Variants in DGKB observed in about 807,000 individuals in gnomAD.
DGKB encodes diacylglycerol kinase beta, also known as 90 kDa diacylglycerol kinase.
A neutral mutation model predicts 114.3 loss-of-function variants in DGKB; 67 were observed. The observed-to-expected ratio is 0.59, with a 90% CI of 0.48 to 0.72. The LOEUF is 0.72. Ranked by LOEUF, DGKB falls within the 30% of genes least tolerant of loss-of-function variation. The pLI, the probability that DGKB is intolerant of heterozygous loss-of-function variation, is 0.00. For synonymous variants in DGKB, 398 were observed against 323.1 expected, an observed-to-expected ratio of 1.23 and a Z score of -2.49; for missense variants, 907 against 975.2, an observed-to-expected ratio of 0.93 and a Z score of 0.93.
At chr7:14,156,704 G>C (rs907490601) in intron 25 of DGKB, among the ~76,000 whole-genome samples, 6 of 152,142 alleles carry the variant, frequency 3.9e-5, no homozygotes, top group Non-Finnish European at 5.9e-5. Context: ...AGAATTATGA[G>C]GCATAAGGTG....
intron 1 of DGKB, among the ~76,000 whole-genome samples, chr7:14,895,404 G>C (rs989648174): frequency 2.2e-4 from 34 of 151,590 alleles, no homozygotes; most frequent in African/African-American, 8.2e-4. Flanking sequence ...GAGGTTTGCA[G>C]GTGGGGCAGG....
intron 4 of DGKB, among the ~76,000 whole-genome samples, chr7:14,736,618 A>G (rs1054406370): frequency 3.9e-5 from 6 of 152,136 alleles, no homozygotes; most frequent in African/African-American, 1.4e-4. Flanking sequence ...GAGAGAAAGG[A>G]ATTTTCCATA....
chr7:14,676,010 T>C (rs887772386), intron 12 of DGKB, among the ~76,000 whole-genome samples: 1 of 152,054 alleles, frequency 6.6e-6, no homozygotes, highest in African/African-American at 2.4e-5. Flanking sequence ...GGAAAAAATA[T>C]ACAATGTGAA....
chr7:14,805,431 C>T (rs1280211023), intron 2 of DGKB, among the ~76,000 whole-genome samples: 4 of 151,968 alleles, frequency 2.6e-5, no homozygotes, highest in African/African-American at 9.7e-5. Context: ...TTTTAAAGTT[C>T]TTTTCATTAA....
chr7:14,867,473 T>G (rs960247864), intron 1 of DGKB, among the ~76,000 whole-genome samples: 4 of 152,156 alleles, frequency 2.6e-5, no homozygotes, highest in African/African-American at 4.8e-5. Flanking sequence ...GTTCCACATT[T>G]TTTTAATGTG....
At chr7:14,447,817 G>T (rs957723000) in intron 21 of DGKB, among the ~76,000 whole-genome samples, 2 of 152,054 alleles carry the variant, frequency 1.3e-5, no homozygotes, top group Non-Finnish European at 2.9e-5. Context: ...TGTATCAGAA[G>T]CTTTTTCTTG....
At position 14,817,904 on chromosome 7, in the gene DGKB, T is replaced by C. The variant is rs1253188424; in HGVS notation, c.70+23290A>G. ...ATATAGAAGCACACAAATTATGGCA[T>C]GATGCTGACAGCAAGAATCAATTCT... On this transcript the variant is annotated intron_variant, in intron 2 of 25. Coordinates refer to ENST00000402815, the MANE Select transcript of DGKB (RefSeq NM_001350709.2). Among the ~76,000 whole-genome samples the C allele has an allele frequency of 2.6e-5, 4 of 151,060 alleles. No individual in the cohort carries two copies. In the East Asian group the frequency reaches 7.8e-4, roughly 30 times the overall value.
At position 14,218,110 on chromosome 7, in the gene DGKB, G is replaced by T. The variant is rs1386913462; in HGVS notation, c.2123-39959C>A. Among the ~76,000 whole-genome samples, 5 of 152,158 alleles carry T rather than the reference G, an allele frequency of 3.3e-5. No individual in the cohort carries two copies. The East Asian group carries it at 9.7e-4, about 30-fold the overall frequency. On this transcript the variant is annotated intron_variant, in intron 23 of 25. Transcript: ENST00000402815. ...ACACATGTCCCAGATGAAACTTCGT[G>T]TTCATAACACTTAAGCCTTCAAAGT...
chr7:14,665,412 T>C (rs952245229), intron 13 of DGKB, among the ~76,000 whole-genome samples: 5 of 151,794 alleles, frequency 3.3e-5, no homozygotes, highest in African/African-American at 9.7e-5. Flanking sequence ...AAATAAGTAA[T>C]GCATAGTAGG....
chr7:14,752,326 GT>G (rs1834252396), intron 4 of DGKB, among the ~76,000 whole-genome samples: 1 of 126,308 alleles, frequency 7.9e-6, no homozygotes, highest in Non-Finnish European at 1.5e-5. Flanking sequence ...GAATCCCCAG[GT>G]TCCTTATTAA....
At chr7:14,951,866 T>C (rs1186334629) in intron 1 of DGKB, among the ~76,000 whole-genome samples, 1 of 151,944 alleles carries the variant, frequency 6.6e-6, no homozygotes, top group Non-Finnish European at 1.5e-5. Context: ...GTTAAAAAAA[T>C]CTGTTCCCTG....
At chr7:14,885,466 T>C (rs1471960220) in intron 1 of DGKB, among the ~76,000 whole-genome samples, 4 of 151,868 alleles carry the variant, frequency 2.6e-5, no homozygotes, top group South Asian at 4.2e-4. Context: ...CCTGGAAAGA[T>C]GGAAGAAATT....
At chr7:14,487,583 CTTTT>C (rs11433526) in intron 20 of DGKB, among the ~76,000 whole-genome samples, 11 of 125,876 alleles carry the variant, frequency 8.7e-5, no homozygotes, top group South Asian at 5.2e-4. Flanking sequence ...AAGAAAATTC[CTTTT>C]TTTTTTTTTT....
At chr7:14,876,787 A>G (rs1189712987) in intron 1 of DGKB, among the ~76,000 whole-genome samples, 1 of 152,218 alleles carries the variant, frequency 6.6e-6, no homozygotes, top group Non-Finnish European at 1.5e-5. Context: ...AACTAGGCAA[A>G]GTATGTTAAA....
chr7:14,529,042 G>A (rs183537853), intron 20 of DGKB, among the ~76,000 whole-genome samples: 2 of 151,916 alleles, frequency 1.3e-5, no homozygotes, highest in Non-Finnish European at 2.9e-5. Context: ...AGTTGGAGTC[G>A]TTTACAAACC....
chr7:14,631,760 AT>A (rs1809757804), intron 13 of DGKB, among the ~76,000 whole-genome samples: 1 of 152,030 alleles, frequency 6.6e-6, no homozygotes. Flanking sequence ...CCTTATTATC[AT>A]TCTTTCTTAG....
intron 22 of DGKB, among the ~76,000 whole-genome samples, chr7:14,343,345 C>A (rs979005051): frequency 1.3e-5 from 2 of 151,820 alleles, no homozygotes; most frequent in African/African-American, 4.8e-5. Flanking sequence ...CTCCAAGAAA[C>A]ATAACTTAGT....
At chr7:14,314,017 G>A (rs950445141) in intron 23 of DGKB, among the ~76,000 whole-genome samples, 2 of 152,150 alleles carry the variant, frequency 1.3e-5, no homozygotes, top group Non-Finnish European at 2.9e-5. Flanking sequence ...CTCCAGCAGG[G>A]GCACACTGAC....
intron 1 of DGKB, among the ~76,000 whole-genome samples, chr7:14,920,142 A>G (rs1784443477): frequency 6.6e-6 from 1 of 152,204 alleles, no homozygotes; most frequent in Non-Finnish European, 1.5e-5. Context: ...AATCCATACA[A>G]GAAAAGAAAA....
Sources: allele counts gnomAD v4.1 joint callset (sites outside exome capture counted in the v4.1 genomes callset), GRCh38; gene constraint gnomAD v4.1.1; transcripts MANE v1.5; gene names NCBI Gene and HGNC (gene_info 2026-07-23, HGNC 2026-07-21).